Variants in PDE7B observed in about 807,000 individuals in gnomAD.
PDE7B encodes the protein phosphodiesterase 7B.
PDE7B carries 29 observed loss-of-function variants against 56.2 expected under a neutral mutation model. The ratio of observed to expected loss-of-function variants is 0.52; its 90% confidence interval spans 0.38 to 0.70. PDE7B has a LOEUF of 0.70. Among genes scored for constraint, PDE7B ranks in the 30% least tolerant of loss-of-function variants. The pLI is 0.00. For missense variants in PDE7B, 490 were observed against 565.0 expected, an observed-to-expected ratio of 0.87 and a Z score of 1.35; for synonymous variants, 197 against 196.9, an observed-to-expected ratio of 1.00 and a Z score of 0.00.
Position 135,897,092 on chromosome 6 carries a change from A to G in PDE7B, c.21+45073A>G, listed in dbSNP as rs1170118934. 6.6e-5 allele frequency among the ~76,000 whole-genome samples: 10 copies of G among 152,166 alleles called. No individual in the cohort carries two copies. The East Asian group carries it at 1.3e-3, about 20-fold the overall frequency. On this transcript the variant is annotated intron_variant, in intron 1 of 12. Coordinates refer to ENST00000308191, the MANE Select transcript of PDE7B (RefSeq NM_018945.4). The stretch of plus-strand genomic sequence containing the variant: ...CAGTAGTCCACTGCCACAATGATCA[A>G]CTTTAGGTGTGTTCCCACCTACACA...
chr6:135,974,983 G>C (rs1775157815), intron 2 of PDE7B, among the ~76,000 whole-genome samples: 1 of 152,054 alleles, frequency 6.6e-6, no homozygotes, highest in Admixed American at 6.6e-5. Flanking sequence ...TGAGGTGCAA[G>C]AGTGAGTGAA....
chr6:136,005,511 A>G (rs1424583666), intron 2 of PDE7B, among the ~76,000 whole-genome samples: 3 of 152,254 alleles, frequency 2.0e-5, no homozygotes, highest in African/African-American at 7.2e-5. Flanking sequence ...TTTACAAGAA[A>G]AAGACAAACA....
intron 1 of PDE7B, among the ~76,000 whole-genome samples, chr6:135,916,392 CTTTT>C (rs566408380): frequency 3.1e-5 from 3 of 96,348 alleles, no homozygotes; most frequent in African/African-American, 1.2e-4. Flanking sequence ...TCTTTTCTTT[CTTTT>C]TTTTTTTTTT....
At chr6:135,877,084 C>A (rs6940996) in intron 1 of PDE7B, among the ~76,000 whole-genome samples, 25,877 of 151,640 alleles carry the variant, frequency 0.17, 4,574 homozygotes, top group African/African-American at 0.45. Flanking sequence ...AAAAAAAAAT[C>A]TACCGAATTC....
At chr6:135,922,595 T>G (rs373893547) in intron 1 of PDE7B, among the ~76,000 whole-genome samples, 83 of 152,292 alleles carry the variant, frequency 5.5e-4, no homozygotes, top group Middle Eastern at 3.4e-3. Flanking sequence ...ATCTTTTGAG[T>G]TACAAGACTT....
At chr6:136,169,796 C>G (rs998770962) in intron 8 of PDE7B, among the ~76,000 whole-genome samples, 1 of 152,154 alleles carries the variant, frequency 6.6e-6, no homozygotes, top group Non-Finnish European at 1.5e-5. Flanking sequence ...TTTCAATCAG[C>G]CTTCTCTTTT....
rs190914372 is a variant in PDE7B at position 135,993,121 on chromosome 6, T to C, written c.82+45597T>C. 4 of 152,286 alleles carry C rather than the reference T, an allele frequency of 2.6e-5. No homozygotes were observed. The East Asian group carries it at 5.8e-4, about 22-fold the overall frequency. The allele number at this position is 152,286 out of a possible 1,614,324, so 9.4% of individuals were successfully genotyped here. On this transcript the variant is annotated intron_variant, in intron 2 of 12. Coordinates refer to ENST00000308191, the MANE Select transcript of PDE7B (RefSeq NM_018945.4). The stretch of plus-strand genomic sequence containing the variant: ...GCAGTCTGGTCAACCCCTGCTACAT[T>C]GGGCCAGGTCACATTTCTGTAGGTG...
At chr6:136,071,726 G>A (rs756259119) in intron 2 of PDE7B, among the ~76,000 whole-genome samples, 12 of 152,112 alleles carry the variant, frequency 7.9e-5, no homozygotes, top group Non-Finnish European at 1.5e-4. Context: ...CCAAAAGTTC[G>A]AGGCTTCACT....
intron 3 of PDE7B, among the ~76,000 whole-genome samples, chr6:136,142,802 TG>T (rs1382284192): frequency 6.6e-6 from 1 of 152,174 alleles, no homozygotes; most frequent in Non-Finnish European, 1.5e-5. Context: ...TCCATTTTCT[TG>T]GTAGATCTTC....
Position 136,037,572 on chromosome 6 carries a change from G to C in PDE7B, c.83-71159G>C, listed in dbSNP as rs546335182. On this transcript the variant is annotated intron_variant, in intron 2 of 12. Coordinates refer to ENST00000308191, the MANE Select transcript of PDE7B (RefSeq NM_018945.4). ...CAACCCCCATCAGGCCCTCCAGAGA[G>C]AAGCAGCTGCAGATTGGCTCTGCAG... 4.1e-6 allele frequency: 4 copies of C among 985,462 alleles called. No individual in the cohort carries two copies. The East Asian group carries it at 3.4e-4, about 84-fold the overall frequency. 61.0% of individuals were successfully genotyped at this position (985,462 alleles called of 1,614,324 possible). A position where few individuals can be genotyped will look rare whatever the true frequency, so the allele number is the denominator to read the frequency against.
chr6:136,073,292 C>T (rs934695935), intron 2 of PDE7B, among the ~76,000 whole-genome samples: 1 of 152,148 alleles, frequency 6.6e-6, no homozygotes, highest in East Asian at 1.9e-4. Flanking sequence ...AAGACTCCTT[C>T]TTTGTGTGTA....
chr6:135,861,481 G>A (rs938614353), intron 1 of PDE7B, among the ~76,000 whole-genome samples: 2 of 149,852 alleles, frequency 1.3e-5, no homozygotes, highest in African/African-American at 4.9e-5. Context: ...CTCTGATCAA[G>A]TTATTTTGTA....
At chr6:135,993,234 T>A (rs1219811890) in intron 2 of PDE7B, 1 of 152,164 alleles carries the variant, frequency 6.6e-6, no homozygotes, top group Non-Finnish European at 1.5e-5. Flanking sequence ...AAGATAAACA[T>A]CAAAAGTTCA....
At chr6:135,943,936 C>G (rs1774549581) in intron 1 of PDE7B, among the ~76,000 whole-genome samples, 1 of 152,182 alleles carries the variant, frequency 6.6e-6, no homozygotes, top group African/African-American at 2.4e-5. Context: ...AGAGATCCAG[C>G]CCCTTGGATG....
intron 1 of PDE7B, among the ~76,000 whole-genome samples, chr6:135,859,367 A>G (rs1224088182): frequency 6.6e-6 from 1 of 152,156 alleles, no homozygotes; most frequent in Non-Finnish European, 1.5e-5. Context: ...GGAAAAGTGT[A>G]GGTATTGCTC....
chr6:136,031,738 CAAA>C (rs36015213), intron 2 of PDE7B, among the ~76,000 whole-genome samples: 3 of 109,966 alleles, frequency 2.7e-5, no homozygotes, highest in Non-Finnish European at 1.8e-5. Context: ...GACTCCGTCT[CAAA>C]AAAAAAAAAA....
At chr6:136,074,499 C>T (rs1007319559) in intron 2 of PDE7B, among the ~76,000 whole-genome samples, 2 of 151,424 alleles carry the variant, frequency 1.3e-5, no homozygotes, top group African/African-American at 2.4e-5. Context: ...CTGAAGTCAC[C>T]CTATTGTGCT....
At chr6:136,154,237 G>C (rs1382603873) in intron 7 of PDE7B, 62 bp downstream of exon 7, 1 of 969,742 alleles carries the variant, frequency 1.0e-6, no homozygotes, top group African/African-American at 1.6e-5. Flanking sequence ...TACCTGCTAG[G>C]CCCAAGTTAC....
At chr6:135,871,972 A>C (rs984192977) in intron 1 of PDE7B, among the ~76,000 whole-genome samples, 3 of 152,246 alleles carry the variant, frequency 2.0e-5, no homozygotes, top group African/African-American at 7.2e-5. Context: ...GAGCAATAAT[A>C]ACAGAAATGA....
Sources: allele counts gnomAD v4.1 joint callset (sites outside exome capture counted in the v4.1 genomes callset), GRCh38; gene constraint gnomAD v4.1.1; transcripts MANE v1.5; gene names NCBI Gene and HGNC (gene_info 2026-07-23, HGNC 2026-07-21).